Variants in TMEM132D observed in about 807,000 individuals in gnomAD.
TMEM132D encodes transmembrane protein 132D.
A neutral mutation model predicts 62.3 loss-of-function variants in TMEM132D; 21 were observed. The ratio of observed to expected loss-of-function variants is 0.34; its 90% CI spans 0.24 to 0.49. The LOEUF (loss-of-function observed/expected upper bound fraction) is 0.49, where lower values mean the gene tolerates loss of function less well. Among genes scored for constraint, TMEM132D ranks in the 20% least tolerant of loss-of-function variants. TMEM132D has a pLI of 0.99. For missense variants in TMEM132D, 1,346 were observed against 1,402.8 expected, an observed-to-expected ratio of 0.96 and a Z score of 0.65; for synonymous variants, 621 against 575.6, an observed-to-expected ratio of 1.08 and a Z score of -1.13.
intron 5 of TMEM132D, among the ~76,000 whole-genome samples, chr12:129,194,892 T>C (rs775617450): frequency 2.6e-5 from 4 of 152,176 alleles, no homozygotes; most frequent in South Asian, 2.1e-4. Context: ...CCAAGAGAGA[T>C]GGCCCTCTCT....
chr12:129,903,163 G>A lies in TMEM132D; in HGVS notation c.79+98C>T, dbSNP rs888941707. ...CAAGCGCGCACACACACTTGCACAC[G>A]AGCCCTCTCTCCCGGCCGCCCCCAT... On this transcript the variant is annotated intron_variant, in intron 1 of 8. Transcript: ENST00000422113. The surrounding 1 kb of genome is among the most constrained non-coding windows in gnomAD (Gnocchi z 6.2). 1.1e-5 allele frequency: 14 copies of A among 1,258,638 alleles called. 1 individual carries two copies. The highest frequency in any genetic ancestry group is 1.9e-4 in the Middle Eastern group (1 of 5,380). 78.0% of individuals were successfully genotyped at this position (1,258,638 alleles called of 1,614,324 possible).
intron 1 of TMEM132D, among the ~76,000 whole-genome samples, chr12:129,776,692 C>T (rs1430229922): frequency 1.4e-5 from 1 of 71,122 alleles, no homozygotes; most frequent in Non-Finnish European, 4.7e-5. Context: ...AGACTGTGTT[C>T]CTTAACCATT....
At chr12:129,669,605 TG>T in intron 2 of TMEM132D, among the ~76,000 whole-genome samples, 1 of 152,144 alleles carries the variant, frequency 6.6e-6, no homozygotes, top group East Asian at 1.9e-4. Flanking sequence ...CTCGGGAGGA[TG>T]AGGCAGGAGA....
intron 4 of TMEM132D, among the ~76,000 whole-genome samples, chr12:129,243,388 C>T (rs537403998): frequency 6.6e-6 from 1 of 152,084 alleles, no homozygotes; most frequent in Non-Finnish European, 1.5e-5. Flanking sequence ...TACTATACTG[C>T]AATTGCAGGG....
chr12:129,736,541 C>A (rs1053580508), intron 1 of TMEM132D, among the ~76,000 whole-genome samples: 1 of 151,936 alleles, frequency 6.6e-6, no homozygotes, highest in Non-Finnish European at 1.5e-5. Flanking sequence ...AGAAGGTCGG[C>A]AGCTGAACGT....
chr12:129,393,927 G>A (rs1871354096), intron 3 of TMEM132D, among the ~76,000 whole-genome samples: 1 of 152,076 alleles, frequency 6.6e-6, no homozygotes, highest in Admixed American at 6.6e-5. Flanking sequence ...TCATCTCTCA[G>A]GCTTCTCAGA....
chr12:129,806,743 A>C (rs1371439760), intron 1 of TMEM132D, among the ~76,000 whole-genome samples: 2 of 152,190 alleles, frequency 1.3e-5, no homozygotes, highest in Non-Finnish European at 1.5e-5. Flanking sequence ...AGTAATTACC[A>C]GGCCAGGCAC....
chr12:129,099,951 A>G (rs1253990208), intron 5 of TMEM132D, among the ~76,000 whole-genome samples: 1 of 139,222 alleles, frequency 7.2e-6, no homozygotes, highest in Non-Finnish European at 1.5e-5. Flanking sequence ...TCAGCCTCCC[A>G]AGTAGCTGGG....
intron 1 of TMEM132D, among the ~76,000 whole-genome samples, chr12:129,865,050 T>C (rs1018951260): frequency 2.4e-4 from 36 of 152,276 alleles, no homozygotes; most frequent in African/African-American, 7.2e-4. Flanking sequence ...GTGGAAAAAG[T>C]TGGAAATCCA....
chr12:129,338,253 T>C (rs1305585398), intron 3 of TMEM132D, among the ~76,000 whole-genome samples: 1 of 152,180 alleles, frequency 6.6e-6, no homozygotes, highest in African/African-American at 2.4e-5. Context: ...ATTTTAAGGA[T>C]GTCTGAGGGT....
chr12:129,726,311 GAC>G (rs1343232875), intron 1 of TMEM132D, among the ~76,000 whole-genome samples: 2 of 152,150 alleles, frequency 1.3e-5, no homozygotes, highest in Non-Finnish European at 2.9e-5. Context: ...TGGGACCCTG[GAC>G]ACAGTGTCCC....
intron 2 of TMEM132D, among the ~76,000 whole-genome samples, chr12:129,693,692 G>A (rs1248118045): frequency 6.6e-6 from 1 of 152,154 alleles, no homozygotes; most frequent in Non-Finnish European, 1.5e-5. Flanking sequence ...TCATTGAGCA[G>A]AGCACTCTTC....
intron 1 of TMEM132D, among the ~76,000 whole-genome samples, chr12:129,794,354 G>A (rs1871498975): frequency 6.7e-6 from 1 of 148,276 alleles, no homozygotes; most frequent in African/African-American, 2.5e-5. Context: ...AACCCACCTC[G>A]GCCTCCCAGA....
intron 4 of TMEM132D, among the ~76,000 whole-genome samples, chr12:129,331,418 T>C (rs1364748719): frequency 6.6e-6 from 1 of 152,120 alleles, no homozygotes; most frequent in Non-Finnish European, 1.5e-5. Flanking sequence ...ACAGACATTG[T>C]CTGTCCTGAC....
At chr12:129,282,108 C>T (rs1389762271) in intron 4 of TMEM132D, among the ~76,000 whole-genome samples, 2 of 146,652 alleles carry the variant, frequency 1.4e-5, no homozygotes, top group Non-Finnish European at 1.5e-5. Flanking sequence ...CCTACAAAAC[C>T]CAACCTAAGA....
chr12:129,859,180 A>C (rs572201761), intron 1 of TMEM132D, among the ~76,000 whole-genome samples: 1 of 152,344 alleles, frequency 6.6e-6, no homozygotes, highest in East Asian at 1.9e-4. Context: ...CCAGGTTCCC[A>C]GCAGACACTG....
At chr12:129,510,840 C>CA (rs1191054171) in intron 3 of TMEM132D, among the ~76,000 whole-genome samples, 7 of 152,240 alleles carry the variant, frequency 4.6e-5, no homozygotes, top group African/African-American at 1.7e-4. Flanking sequence ...ACACCATTGT[C>CA]AAAAACGAGT....
In TMEM132D at chr12:129,611,676, G is replaced by C. The variant is rs79838279; in HGVS notation, c.969-80471C>G. Among the ~76,000 whole-genome samples, 1,050 of 152,222 alleles carry C rather than the reference G, an allele frequency of 6.9e-3. 13 individuals carry two copies. The highest frequency in any genetic ancestry group is 0.024 in the African/African-American group (995 of 41,540). On this transcript the variant is annotated intron_variant, in intron 2 of 8. Coordinates refer to ENST00000422113, the MANE Select transcript of TMEM132D (RefSeq NM_133448.3). ...GGGCTTCCAGGTTCACTCCATCATG[G>C]GAGGACAGGAATGGAGGAGGCACCC...
chr12:129,603,040 C>T (rs1034164282), intron 2 of TMEM132D, among the ~76,000 whole-genome samples: 2 of 152,166 alleles, frequency 1.3e-5, no homozygotes, highest in Non-Finnish European at 2.9e-5. Context: ...GTCCCTCCCT[C>T]GCACAACACA....
Sources: gnomAD v4.1 joint callset for allele counts (sites outside exome capture counted in the v4.1 genomes callset) on GRCh38, gnomAD v4.1.1 for gene constraint, Gnocchi (gnomAD v3.1) non-coding constraint, MANE v1.5 for transcripts, NCBI Gene and HGNC (gene_info 2026-07-23, HGNC 2026-07-21) for gene names.